Variants in ADAMTSL1 observed in about 807,000 individuals in gnomAD.
ADAMTSL1 encodes the protein ADAMTS like 1, also known as ADAMTS-like protein 1.
In ADAMTSL1, 126 loss-of-function variants were observed where a neutral mutation model predicts 201.8. That is an observed-to-expected ratio of 0.62 (90% CI 0.54 to 0.72). The LOEUF (loss-of-function observed/expected upper bound fraction) is 0.72. Ranked by LOEUF, ADAMTSL1 falls within the 30% of genes least tolerant of loss-of-function variation. The probability of loss-of-function intolerance (pLI) is 0.00; values close to 1 mark genes in which losing one functional copy is unlikely to be tolerated. For missense variants in ADAMTSL1, 2,679 were observed against 2,277.8 expected (o/e 1.18, Z -3.59); for synonymous variants, 1,121 against 903.4 (o/e 1.24, Z -4.32).
At chr9:18,407,754 G>T (rs940846050) in intron 2 of ADAMTSL1, among the ~76,000 whole-genome samples, 1 of 152,144 alleles carries the variant, frequency 6.6e-6, no homozygotes, top group African/African-American at 2.4e-5. Context: ...GAAGTCAAAA[G>T]GTGAAAAGAG....
chr9:17,923,758 G>T (rs1307203892), intron 1 of ADAMTSL1, among the ~76,000 whole-genome samples: 2 of 138,190 alleles, frequency 1.4e-5, no homozygotes, highest in African/African-American at 2.7e-5. Flanking sequence ...ATTGGCTGTG[G>T]GTTTGTCATA....
intron 20 of ADAMTSL1, among the ~76,000 whole-genome samples, chr9:18,806,474 T>C (rs562192404): frequency 6.6e-6 from 1 of 152,330 alleles, no homozygotes; most frequent in South Asian, 2.1e-4. Flanking sequence ...GGCATGGCAG[T>C]TTAAACAAAG....
chr9:17,983,070 TTCTTTC>T lies in ADAMTSL1; in HGVS notation c.87+76150_87+76155del, dbSNP rs1278833145. Among the ~76,000 whole-genome samples, 11 of 125,556 alleles carry T rather than the reference TTCTTTC, an allele frequency of 8.8e-5. 1 individual carries two copies. Among genetic ancestry groups the T allele is most frequent in the South Asian group, 2.8e-4 (1 of 3,616 alleles). The allele number at this position is 125,556 out of a possible 152,430, so 82.4% of individuals were successfully genotyped here. Reference sequence around the variant, plus strand: ...TTTTCTTTTTCTTTTCTTTCTTTCTTTCTTTCTTTTTTTTTTTTGAGACTGAATCTT... The same window carrying T: ...TTTTCTTTTTCTTTTCTTTCTTTCTTTTTTTTTTTTTTGAGACTGAATCTT... On this transcript the variant is annotated intron_variant, in intron 1 of 29. Transcript: ENST00000680146.
chr9:18,392,732 T>G (rs1247932591), intron 2 of ADAMTSL1, among the ~76,000 whole-genome samples: 1 of 152,228 alleles, frequency 6.6e-6, no homozygotes, highest in Non-Finnish European at 1.5e-5. Context: ...TTTTCACATT[T>G]GTAAACTTCA....
intron 1 of ADAMTSL1, among the ~76,000 whole-genome samples, chr9:18,043,281 A>G (rs1034407784): frequency 1.3e-4 from 20 of 152,022 alleles, no homozygotes; most frequent in African/African-American, 3.1e-4. Flanking sequence ...AGGCCAGAAT[A>G]CTCCCAAGCA....
intron 1 of ADAMTSL1, among the ~76,000 whole-genome samples, chr9:18,130,247 A>T (rs896449147): frequency 2.6e-5 from 4 of 152,142 alleles, no homozygotes; most frequent in Non-Finnish European, 4.4e-5. Context: ...GGAAGACAGG[A>T]AGCACCATAC....
intron 2 of ADAMTSL1, among the ~76,000 whole-genome samples, chr9:18,308,371 C>A (rs144302212): frequency 2.6e-5 from 4 of 151,918 alleles, no homozygotes; most frequent in African/African-American, 7.2e-5. Flanking sequence ...GATAGAGACA[C>A]GAAAAACCCT....
At chr9:18,485,239 A>C (rs1417911195) in intron 1 of ADAMTSL1, among the ~76,000 whole-genome samples, 1 of 152,196 alleles carries the variant, frequency 6.6e-6, no homozygotes, top group Non-Finnish European at 1.5e-5. Flanking sequence ...TTCTTTTACC[A>C]GTACAAGAAA....
chr9:18,306,090 T>G (rs1833898161), intron 2 of ADAMTSL1, among the ~76,000 whole-genome samples: 1 of 152,104 alleles, frequency 6.6e-6, no homozygotes, highest in Admixed American at 6.5e-5. Flanking sequence ...CCAGCAGACC[T>G]GCAGCAGAGG....
Position 18,210,388 on chromosome 9 carries a change from C to T in ADAMTSL1, c.207+46407C>T, listed in dbSNP as rs190026381. Among the ~76,000 whole-genome samples, 104 of 31,650 alleles carry T rather than the reference C, an allele frequency of 3.3e-3. 1 individual carries two copies. The highest frequency in any genetic ancestry group is 0.011 in the Admixed American group (20 of 1,762). The allele number at this position is 31,650 out of a possible 152,430, so 20.8% of individuals were successfully genotyped here. A position where few individuals can be genotyped will look rare whatever the true frequency, so the allele number is the denominator to read the frequency against. ...AGAAGTCAAAGAACACACACATATA[C>T]GCTAATATTATATATTATTATATAT... On this transcript the variant is annotated intron_variant, in intron 2 of 29. Transcript: ENST00000680146.
At chr9:18,840,521 T>C (rs1825648990) in intron 23 of ADAMTSL1, among the ~76,000 whole-genome samples, 1 of 152,216 alleles carries the variant, frequency 6.6e-6, no homozygotes, top group Admixed American at 6.5e-5. Flanking sequence ...CGATGTGGGC[T>C]CTTTTTTGGT....
chr9:18,130,332 G>A (rs10756938), intron 1 of ADAMTSL1, among the ~76,000 whole-genome samples: 57,190 of 152,050 alleles, frequency 0.38, 12,318 homozygotes, highest in South Asian at 0.48. Context: ...ATGGAGAAAA[G>A]CATTTCAGGG....
rs767980152 is a variant in ADAMTSL1, at chr9:18,657,725, T to A, written c.921T>A (p.Phe307Leu). 1 of 1,614,150 alleles carries A rather than the reference T, an allele frequency of 6.2e-7. No individual in the cohort carries two copies. The highest frequency in any genetic ancestry group is 8.5e-7 in the Non-Finnish European group (1 of 1,179,964). Residue 307 changes from phenylalanine to leucine, a missense_variant, in exon 8 of 29, where the codon TTT (phenylalanine) becomes TTA (leucine). By Grantham distance (22) the Phe-to-Leu change is conservative. Coordinates refer to ENST00000380548, the MANE Select transcript of ADAMTSL1 (RefSeq NM_001040272.6). ...ACCGATGGAGGGAGACGGATTTCTT[T>A]CCTTGCTCAGCAACCTGTGGAGGAG... ...IIHRWRETDF[F>L]PCSATCGGGY...
chr9:18,869,091 A>G (rs146471123), intron 23 of ADAMTSL1, among the ~76,000 whole-genome samples: 1 of 152,310 alleles, frequency 6.6e-6, no homozygotes, highest in Admixed American at 6.5e-5. Context: ...ACTCCATGTG[A>G]ACATAAAGAC....
chr9:17,976,382 T>C (rs1020361489), intron 1 of ADAMTSL1, among the ~76,000 whole-genome samples: 1 of 152,112 alleles, frequency 6.6e-6, no homozygotes, highest in Non-Finnish European at 1.5e-5. Flanking sequence ...CATTTATTTA[T>C]GTCTTCTTCA....
At chr9:18,655,819 A>AAAAATAAAAATAAAAAT (rs1828613366) in intron 7 of ADAMTSL1, among the ~76,000 whole-genome samples, 1 of 101,044 alleles carries the variant, frequency 9.9e-6, no homozygotes, top group Non-Finnish European at 2.5e-5. Context: ...AAAAAAAAAA[A>AAAAATAAAAATAAAAAT]AAAAAAAAAA....
At chr9:18,205,140 T>C (rs543386700) in intron 2 of ADAMTSL1, among the ~76,000 whole-genome samples, 5 of 152,284 alleles carry the variant, frequency 3.3e-5, no homozygotes, top group African/African-American at 1.2e-4. Context: ...CAACCTATTT[T>C]ATTAATGAGA....
At chr9:18,022,022 A>C (rs1484993298) in intron 1 of ADAMTSL1, among the ~76,000 whole-genome samples, 1 of 152,050 alleles carries the variant, frequency 6.6e-6, no homozygotes, top group Non-Finnish European at 1.5e-5. Context: ...GTGGCGGTTA[A>C]AGAAAGGAAG....
rs1830437476 is a variant in ADAMTSL1 at position 18,908,532 on chromosome 9, C to T, written c.5273C>T (p.Thr1758Ile). 6.4e-7 allele frequency: 1 copy of T among 1,561,788 alleles called. No individual in the cohort carries two copies. Residue 1758 changes from threonine to isoleucine, a missense_variant, in exon 29 of 29, where the codon ACT (threonine) becomes ATT (isoleucine). Coordinates refer to ENST00000380548, the MANE Select transcript of ADAMTSL1 (RefSeq NM_001040272.6). ...CAGTTTAAATCTCGCTGCTGTGGAACTTGTGGCAAAGCGTGAAGATAGGGT... is the reference window on the plus strand; with the variant it reads ...CAGTTTAAATCTCGCTGCTGTGGAATTTGTGGCAAAGCGTGAAGATAGGGT... ...LSQFKSRCCG[T>I]CGKA is the part of the protein sequence containing the mutation.
Sources: gnomAD v4.1 joint callset for allele counts (sites outside exome capture counted in the v4.1 genomes callset) on GRCh38, gnomAD v4.1.1 for gene constraint, MANE v1.5 for transcripts, NCBI Gene and HGNC (gene_info 2026-07-23, HGNC 2026-07-21) for gene names.